PHF24: variants seen among roughly 807,000 people sequenced by gnomAD.
The protein encoded by PHF24 is Galpha inhibitory interacting protein.
PHF24 carries 25 observed loss-of-function variants against 42.6 expected under a neutral mutation model. The ratio of observed to expected loss-of-function variants is 0.59; its 90% CI spans 0.43 to 0.82. The LOEUF (loss-of-function observed/expected upper bound fraction) is 0.82, where lower values mean the gene tolerates loss of function less well. Ranked by LOEUF, PHF24 falls within the 40% of genes least tolerant of loss-of-function variation. PHF24 has a pLI of 0.00. For synonymous variants in PHF24, 185 were observed against 204.8 expected, an observed-to-expected ratio of 0.90 and a Z score of 0.83; for missense variants, 470 against 538.1, an observed-to-expected ratio of 0.87 and a Z score of 1.25.
the PHF24 span, among the ~76,000 whole-genome samples, chr9:34,907,648 C>T: frequency 6.6e-6 from 1 of 152,150 alleles, no homozygotes; most frequent in Non-Finnish European, 1.5e-5. Flanking sequence ...AAGGCTAGTG[C>T]TTCAAAATGC....
chr9:34,973,249 G>T (rs1827069751), intron 3 of PHF24, among the ~76,000 whole-genome samples: 1 of 152,096 alleles, frequency 6.6e-6, no homozygotes, highest in South Asian at 2.1e-4. Flanking sequence ...ACTAACCTGA[G>T]ATCCTAACCA....
the PHF24 span, among the ~76,000 whole-genome samples, chr9:34,800,507 A>G: frequency 6.6e-6 from 1 of 152,188 alleles, no homozygotes; most frequent in Non-Finnish European, 1.5e-5. Context: ...CCTCAGAAAT[A>G]ACACCACACA....
At chr9:34,688,079 C>T in the PHF24 span, among the ~76,000 whole-genome samples, 1 of 152,180 alleles carries the variant, frequency 6.6e-6, no homozygotes, top group Non-Finnish European at 1.5e-5. Flanking sequence ...TTTTGAGCAC[C>T]TGCATCTGGG....
the PHF24 span, among the ~76,000 whole-genome samples, chr9:34,863,628 C>A: frequency 6.6e-6 from 1 of 152,216 alleles, no homozygotes; most frequent in Admixed American, 6.5e-5. Flanking sequence ...TAGATCACAA[C>A]ACCCAAGTAC....
At chr9:34,886,824 A>G in the PHF24 span, among the ~76,000 whole-genome samples, 2 of 139,742 alleles carry the variant, frequency 1.4e-5, no homozygotes, top group Non-Finnish European at 3.2e-5. Flanking sequence ...CTATGTATCT[A>G]TGTATCTATG....
chr9:34,786,405 C>T, the PHF24 span, among the ~76,000 whole-genome samples: 1 of 152,090 alleles, frequency 6.6e-6, no homozygotes, highest in African/African-American at 2.4e-5. Flanking sequence ...AACTATATCC[C>T]CTCTTTATTT....
chr9:34,846,110 T>A, the PHF24 span, among the ~76,000 whole-genome samples: 282 of 152,278 alleles, frequency 1.9e-3, 1 homozygote, highest in Non-Finnish European at 3.4e-3. Context: ...TTTGGGTATA[T>A]ACCCAGTAAT....
chr9:34,781,743 G>A, the PHF24 span, among the ~76,000 whole-genome samples: 2 of 151,972 alleles, frequency 1.3e-5, no homozygotes, highest in African/African-American at 2.4e-5. Context: ...AAGCATTGTA[G>A]GAAGTAGTTG....
chr9:34,771,035 A>G, the PHF24 span, among the ~76,000 whole-genome samples: 2 of 152,044 alleles, frequency 1.3e-5, no homozygotes, highest in African/African-American at 2.4e-5. Context: ...ATCACTTGAA[A>G]CCAGGAGGCA....
the PHF24 span, among the ~76,000 whole-genome samples, chr9:34,762,288 A>G: frequency 0.94 from 133,052 of 142,032 alleles, 62,831 homozygotes; most frequent in Non-Finnish European, 0.99. Context: ...TTCCACAATG[A>G]TTGAACTAGT....
upstream of PHF24, among the ~76,000 whole-genome samples, chr9:34,956,765 T>C (rs985289663): frequency 9.2e-5 from 14 of 152,266 alleles, no homozygotes; most frequent in Admixed American, 9.2e-4. Context: ...GAAGGCTCAG[T>C]CTGCTTTTTA....
exon 8 of PHF24, chr9:34,979,926 A>G (rs944803336): frequency 1.3e-5 from 2 of 152,230 alleles, no homozygotes; most frequent in East Asian, 3.8e-4. Flanking sequence ...CAGTCTAGTC[A>G]AAACAAGAAA....
the PHF24 span, chr9:34,889,217 T>G: frequency 2.5e-6 from 1 of 398,626 alleles, no homozygotes; most frequent in Non-Finnish European, 4.4e-6. Context: ...CATAAAACAG[T>G]GCCTTCTGCT....
the PHF24 span, among the ~76,000 whole-genome samples, chr9:34,927,050 C>T: frequency 6.6e-6 from 1 of 152,116 alleles, no homozygotes; most frequent in Non-Finnish European, 1.5e-5. Flanking sequence ...GGAGCATAGC[C>T]ACTCCACTGG....
At chr9:34,968,034 A>G (rs17358651) in intron 1 of PHF24, among the ~76,000 whole-genome samples, 23,018 of 152,274 alleles carry the variant, frequency 0.15, 2,405 homozygotes, top group Non-Finnish European at 0.23. Flanking sequence ...TTAATGTGCA[A>G]TGTGGGAGAA....
At chr9:34,715,867 A>C in the PHF24 span, among the ~76,000 whole-genome samples, 1 of 152,124 alleles carries the variant, frequency 6.6e-6, no homozygotes, top group South Asian at 2.1e-4. Flanking sequence ...AAATCCCCTA[A>C]TTGGAAAGGG....
At chr9:34,841,093 G>T in the PHF24 span, among the ~76,000 whole-genome samples, 10 of 151,860 alleles carry the variant, frequency 6.6e-5, no homozygotes, top group Non-Finnish European at 8.8e-5. Context: ...TCCGCCTCCC[G>T]GGTTCATGCC....
At chr9:34,843,719 AT>A in the PHF24 span, among the ~76,000 whole-genome samples, 15 of 151,994 alleles carry the variant, frequency 9.9e-5, no homozygotes, top group African/African-American at 3.4e-4. Context: ...TGCTTGGCTA[AT>A]TTTTTTTATT....
intron 3 of PHF24, among the ~76,000 whole-genome samples, chr9:34,974,552 C>T (rs755525266): frequency 2.0e-5 from 3 of 152,170 alleles, no homozygotes; most frequent in Non-Finnish European, 2.9e-5. Flanking sequence ...TACTGATGCT[C>T]TTCCAGCCTT....
Sources: allele counts gnomAD v4.1 joint callset (sites outside exome capture counted in the v4.1 genomes callset), GRCh38; gene constraint gnomAD v4.1.1; transcripts MANE v1.5; gene names NCBI Gene and HGNC (gene_info 2026-07-23, HGNC 2026-07-21).